Variants in ZNF276 observed in about 807,000 individuals in gnomAD.
ZNF276 encodes centromere protein Z.
ZNF276 carries 59 observed loss-of-function variants against 63.9 expected under a neutral mutation model. The observed-to-expected ratio is 0.92, with a 90% CI of 0.75 to 1.15. ZNF276 has a LOEUF of 1.15. ZNF276 is among the 50% of genes most tolerant of loss of function. The probability of loss-of-function intolerance (pLI) is 0.00; values close to 1 mark genes in which losing one functional copy is unlikely to be tolerated. For missense variants in ZNF276, 1,084 were observed against 843.8 expected (o/e 1.28, Z -3.53); for synonymous variants, 496 against 348.4 (o/e 1.42, Z -4.72).
Position 89,738,199 on chromosome 16 carries a change from C to T in ZNF276, c.1798C>T (p.Pro600Ser), listed in dbSNP as rs1257278189. The change falls in exon 11 of 11, where the codon CCC (proline) becomes TCC (serine). Residue 600 changes from proline (P) to serine (S), a missense_variant. Transcript: ENST00000443381. ...GGAACCACCACCTGGGCCACCGAGC[C>T]CCTCTGTGACCACAGAGGGCCAGGC... Reference protein sequence around the residue: ...EAEPPPGPPSPSVTTEGQAVK... With the variant: ...EAEPPPGPPSSSVTTEGQAVK... 2 of 1,611,258 alleles carry T rather than the reference C, an allele frequency of 1.2e-6. No homozygotes were observed. Among genetic ancestry groups the T allele is most frequent in the African/African-American group, 1.3e-5 (1 of 74,872 alleles).
chr16:89,740,557 A>G lies in ZNF276; in HGVS notation c.*2311A>G. The G allele has an allele frequency of 1.9e-6, 1 of 536,638 alleles. No homozygotes were observed. Among genetic ancestry groups the G allele is most frequent in the Non-Finnish European group, 3.3e-6 (1 of 301,840 alleles). The allele number at this position is 536,638 out of a possible 1,614,324, so 33.2% of individuals were successfully genotyped here. A position where few individuals can be genotyped will look rare whatever the true frequency, so the allele number is the denominator to read the frequency against. On this transcript the variant is annotated 3_prime_UTR_variant, in exon 11 of 11. Coordinates refer to ENST00000443381, the MANE Select transcript of ZNF276 (RefSeq NM_001113525.2). ...AGGCTGATGCAGGAGAATTGCTTGA[A>G]CCCAGGAGGCTGAGGTTGCAGTGAG...
At chr16:89,727,160 T>G (rs976201822) in intron 4 of ZNF276, 119 bp from the exon 5 acceptor site, 2 of 1,069,364 alleles carry the variant, frequency 1.9e-6, no homozygotes, top group Non-Finnish European at 1.4e-6. Context: ...TGGGGAGAAC[T>G]TGAGGGTCAG....
chr16:89,733,241 CA>C (rs903737485), intron 6 of ZNF276, 60 bp from the exon 7 acceptor site: 1 of 1,493,302 alleles, frequency 6.7e-7, no homozygotes, highest in African/African-American at 1.4e-5. Context: ...GTTGGAGAGA[CA>C]AAAAACATTT....
At position 89,740,123 on chromosome 16, in the gene ZNF276, C is replaced by G. The variant is rs2151714977; in HGVS notation, c.*1877C>G. ...CTCTGTAAACCGCAGGAGACCAACC[C>G]TGAGAATGGCCGACCTGGTGCTCCC... On this transcript the variant is annotated 3_prime_UTR_variant, in exon 11 of 11. Transcript: ENST00000443381. 1 of 1,598,502 alleles carries G rather than the reference C, an allele frequency of 6.3e-7. No homozygotes were observed. Among genetic ancestry groups the G allele is most frequent in the Non-Finnish European group, 8.6e-7 (1 of 1,166,276 alleles).
rs1047071335 is a variant in ZNF276, at chr16:89,738,831, T to A, written c.*585T>A. ...CAGGCAGGCACATGGCCCAGGCAGC[T>A]GTCAATTCTCATGTCCCCCACATGG... On this transcript the variant is annotated 3_prime_UTR_variant, in exon 11 of 11. Transcript: ENST00000443381. The A allele has an allele frequency of 6.2e-7, 1 of 1,614,144 alleles. No homozygotes were observed. Among genetic ancestry groups the A allele is most frequent in the Admixed American group, 1.7e-5 (1 of 60,022 alleles).
chr16:89,731,288 C>G (rs566959671), intron 6 of ZNF276, among the ~76,000 whole-genome samples: 2 of 152,374 alleles, frequency 1.3e-5, no homozygotes, highest in South Asian at 2.1e-4. Context: ...GAGTCTTGCT[C>G]TGTTGCCCAG....
rs17719249 is a variant in ZNF276 at position 89,727,323 on chromosome 16, C to T, written c.1051C>T (p.Arg351Trp). Reference sequence around the variant, plus strand: ...GCTTCCATCTTCAACCTCGGATGATCGGGTAAAAGACGAGTTCAGTGACCT... The same window carrying T: ...GCTTCCATCTTCAACCTCGGATGATTGGGTAAAAGACGAGTTCAGTGACCT... ...KQLPSSTSDD[R>W]VKDEFSDLSE... is the part of the protein sequence containing the mutation. The change falls in exon 5 of 11, where the codon CGG (arginine) becomes TGG (tryptophan). Residue 351 changes from arginine to tryptophan, a missense_variant. By Grantham distance (101) the Arg-to-Trp change is moderately radical. Transcript: ENST00000443381. The T allele has an allele frequency of 8.6e-3, 13,843 of 1,613,734 alleles. 85 individuals carry two copies. The highest frequency in any genetic ancestry group is 0.01 in the Non-Finnish European group (12,245 of 1,179,818).
intron 5 of ZNF276, 52 bp downstream of exon 5, chr16:89,727,409 C>T: frequency 6.3e-7 from 1 of 1,581,670 alleles, no homozygotes; most frequent in Non-Finnish European, 8.7e-7. Context: ...CAAAAACCAT[C>T]AGTGACCTTT....
chr16:89,720,518 C>G (rs1417911421), upstream of ZNF276: 1 of 1,151,538 alleles, frequency 8.7e-7, no homozygotes, highest in Non-Finnish European at 1.1e-6. Context: ...GGAGCCCAGG[C>G]TGTGATGCAC....
At chr16:89,726,708 C>T (rs534809561) in intron 4 of ZNF276, among the ~76,000 whole-genome samples, 5 of 152,084 alleles carry the variant, frequency 3.3e-5, no homozygotes, top group South Asian at 2.1e-4. Flanking sequence ...GTGCAGTGCG[C>T]GATCTCGGCT....
Position 89,727,281 on chromosome 16 carries a change from C to T in ZNF276, c.1009C>T (p.Gln337Ter). 6.2e-7 allele frequency: 1 copy of T among 1,614,098 alleles called. No homozygotes were observed. Among genetic ancestry groups the T allele is most frequent in the Non-Finnish European group, 8.5e-7 (1 of 1,179,996 alleles). ...PSLPLCRAPG[Q>*]LGEKQLPSST... is the part of the protein sequence containing the mutation. The stretch of plus-strand genomic sequence containing the variant: ...GAGCCTTGTTCTTTGTTTCTCAGGG[C>T]AGTTGGGTGAGAAGCAGCTTCCATC... The change falls in exon 5 of 11, where the codon CAG becomes TAG. Residue 337 changes from glutamine (Q) to a stop codon, truncating the protein, a stop_gained and splice_region_variant. Transcript: ENST00000443381. LOFTEE classifies it high-confidence loss of function.
chr16:89,736,184 C>T (rs775574099), intron 9 of ZNF276, among the ~76,000 whole-genome samples: 10 of 152,206 alleles, frequency 6.6e-5, no homozygotes, highest in Non-Finnish European at 1.2e-4. Context: ...AGCCATGACG[C>T]CTGGGTAATT....
In ZNF276 at chr16:89,725,446, G is replaced by T. The variant is rs184590422; in HGVS notation, c.1006+1737G>T. 1.8e-3 allele frequency among the ~76,000 whole-genome samples: 270 copies of T among 152,190 alleles called. 1 individual carries two copies. Among genetic ancestry groups the T allele is most frequent in the African/African-American group, 5.0e-3 (209 of 41,548 alleles). On this transcript the variant is annotated intron_variant, in intron 4 of 10. Coordinates refer to ENST00000443381, the MANE Select transcript of ZNF276 (RefSeq NM_001113525.2). ...TCCACCTGCATCAGCCTCCCAGAAT[G>T]CTGGGATTACAGGTGTGAACCACCG... is the stretch of plus-strand genomic sequence containing the variant.
Position 89,733,303 on chromosome 16 carries a change from G to C in ZNF276, c.1171G>C (p.Val391Leu). 1 of 1,611,520 alleles carries C rather than the reference G, an allele frequency of 6.2e-7. No individual in the cohort carries two copies. Among genetic ancestry groups the C allele is most frequent in the Non-Finnish European group, 8.5e-7 (1 of 1,179,326 alleles). The part of the protein sequence containing the change: ...ESFEPYPERK[V>L]SGKKSESKEA... ...AATTTGGGAACCTCTTTTTTTCAGA[G>C]TCTCTGGTAAGAAGAGTGAAAGCAA... Residue 391 changes from valine (V) to leucine (L), a missense_variant and splice_region_variant, in exon 7 of 11, where the codon GTC becomes CTC. Transcript: ENST00000443381.
In ZNF276 at chr16:89,722,181, C is replaced by T. The variant is rs558260090; in HGVS notation, c.205+336C>T. 2.9e-4 allele frequency among the ~76,000 whole-genome samples: 44 copies of T among 152,304 alleles called. 1 individual carries two copies. In the South Asian group the frequency reaches 6.2e-3, roughly 22 times the overall value. On this transcript the variant is annotated intron_variant, in intron 1 of 10. Coordinates refer to ENST00000443381, the MANE Select transcript of ZNF276 (RefSeq NM_001113525.2). ...TGCCCTCGCGGAGCCGGAAAGGAGGCGGCACCTGCAATTGGCAGACAGGAA... is the reference window on the plus strand; with the variant it reads ...TGCCCTCGCGGAGCCGGAAAGGAGGTGGCACCTGCAATTGGCAGACAGGAA...
intron 1 of ZNF276, 106 bp from the exon 2 acceptor site, chr16:89,722,425 C>T: frequency 7.5e-7 from 1 of 1,340,790 alleles, no homozygotes; most frequent in Non-Finnish European, 1.0e-6. Context: ...GTCCGGGAGC[C>T]GCGCGAAGGG....
At position 89,740,280 on chromosome 16, in the gene ZNF276, G is replaced by C; in HGVS notation, c.*2034G>C. On this transcript the variant is annotated 3_prime_UTR_variant, in exon 11 of 11. Transcript: ENST00000443381. The stretch of plus-strand genomic sequence containing the variant: ...CTCTGGACAGAAGAGGCTCAGGTAG[G>C]AGGCCAGGGACTTCGAGCACCCACA... 1.6e-6 allele frequency: 1 copy of C among 632,060 alleles called. No individual in the cohort carries two copies. Among genetic ancestry groups the C allele is most frequent in the East Asian group, 2.8e-5 (1 of 36,200 alleles). 39.2% of individuals were successfully genotyped at this position (632,060 alleles called of 1,614,324 possible).
chr16:89,729,183 C>G (rs2061566082), intron 5 of ZNF276, 52 bp from the exon 6 acceptor site: 4 of 1,515,236 alleles, frequency 2.6e-6, no homozygotes, highest in South Asian at 2.3e-5. Context: ...CGTGTTGGGT[C>G]TGTCACTGCC....
intron 9 of ZNF276, 72 bp downstream of exon 9, chr16:89,734,110 A>G (rs2061769619): frequency 6.9e-7 from 1 of 1,446,230 alleles, no homozygotes. Flanking sequence ...AGTCTTCCTC[A>G]TACCCATCCC....
Sources: gnomAD v4.1 joint callset for allele counts (sites outside exome capture counted in the v4.1 genomes callset) on GRCh38, gnomAD v4.1.1 for gene constraint, MANE v1.5 for transcripts, NCBI Gene and HGNC (gene_info 2026-07-23, HGNC 2026-07-21) for gene names.